Variants in SMPD4 observed in about 807,000 individuals in gnomAD.
SMPD4 encodes neutral sphingomyelinase 3.
A neutral mutation model predicts 97.8 loss-of-function variants in SMPD4; 58 were observed. That is an observed-to-expected ratio of 0.59 (90% CI 0.48 to 0.74). SMPD4 has a LOEUF of 0.74. SMPD4 is among the 30% of genes least tolerant of loss of function. The pLI is 0.00. For missense variants in SMPD4, 853 were observed against 1,080.5 expected, an observed-to-expected ratio of 0.79 and a Z score of 2.95; for synonymous variants, 388 against 450.0, an observed-to-expected ratio of 0.86 and a Z score of 1.74.
At position 130,164,423 on chromosome 2, in the gene SMPD4, T is replaced by G; in HGVS notation, c.815A>C (p.His272Pro). Residue 272 changes from histidine (H) to proline (P), a missense_variant, in exon 10 of 20, where the codon CAT (histidine) becomes CCT (proline). Physicochemically the swap from His to Pro is moderately conservative, Grantham distance 77 (BLOSUM62 -2). Around this residue, in one of 3 missense-constraint regions of SMPD4, gnomAD observed 313 missense variants for 402.2 expected, o/e 0.78. Coordinates refer to ENST00000680298, the MANE Select transcript of SMPD4 (RefSeq NM_017951.5). ...LLQVFVEMWL[H>P]HYSLEMYQKM... ...TTGATACATCTCCAAGGAATAGTGA[T>G]GAAGCCACATTTCAACAAAAACCTG... is the stretch of plus-strand genomic sequence containing the variant. 6.2e-7 allele frequency: 1 copy of G among 1,614,160 alleles called. No homozygotes were observed. Among genetic ancestry groups the G allele is most frequent in the Non-Finnish European group, 8.5e-7 (1 of 1,180,004 alleles).
intron 11 of SMPD4, chr2:130,159,567 G>A (rs1290768050): frequency 2.0e-5 from 3 of 151,870 alleles, no homozygotes; most frequent in South Asian, 2.1e-4. Context: ...CAATCTGGGA[G>A]GTGGAGATTG....
intron 8 of SMPD4, among the ~76,000 whole-genome samples, chr2:130,168,509 C>T (rs932568516): frequency 1.2e-4 from 17 of 143,350 alleles, no homozygotes; most frequent in Admixed American, 4.3e-4. Flanking sequence ...TACATCTTCC[C>T]GGTAAATTCT....
intron 10 of SMPD4, among the ~76,000 whole-genome samples, chr2:130,163,150 G>A (rs918630899): frequency 4.6e-5 from 7 of 152,250 alleles, no homozygotes; most frequent in African/African-American, 1.2e-4. Flanking sequence ...GCCACGCCAC[G>A]CCACGCCACA....
chr2:130,153,535 A>G, intron 17 of SMPD4, 85 bp from the exon 18 acceptor site: 2 of 1,590,326 alleles, frequency 1.3e-6, no homozygotes, highest in Admixed American at 3.4e-5. Context: ...AACAGTGGCA[A>G]CAAGGGGACC....
chr2:130,177,029 T>C (rs1689037459), intron 1 of SMPD4, among the ~76,000 whole-genome samples: 1 of 152,202 alleles, frequency 6.6e-6, no homozygotes, highest in Admixed American at 6.5e-5. Flanking sequence ...CCCAGGAGAA[T>C]ATCACACATT....
rs572209976 is a variant in SMPD4 at position 130,151,801 on chromosome 2, G to A, written c.*754C>T. ...TGCAGAGCAGAAACTGGCAGAATCC[G>A]ACCCCATCGACCCAGCAGTGTCCCC... On this transcript the variant is annotated 3_prime_UTR_variant, in exon 20 of 20. Transcript: ENST00000680298. 2.0e-4 allele frequency: 30 copies of A among 151,242 alleles called. 1 individual carries two copies. Among genetic ancestry groups the A allele is most frequent in the Admixed American group, 1.9e-3 (28 of 15,114 alleles). 9.4% of individuals were successfully genotyped at this position (151,242 alleles called of 1,614,324 possible). A position where few individuals can be genotyped will look rare whatever the true frequency, so the allele number is the denominator to read the frequency against.
Position 130,153,307 on chromosome 2 carries a change from C to A in SMPD4, c.2025+12G>T, listed in dbSNP as rs201205980. The A allele has an allele frequency of 1.2e-6, 2 of 1,613,550 alleles. No homozygotes were observed. The highest frequency in any genetic ancestry group is 4.5e-5 in the East Asian group (2 of 44,878). On this transcript the variant is annotated intron_variant, in intron 18 of 19. Coordinates refer to ENST00000680298, the MANE Select transcript of SMPD4 (RefSeq NM_017951.5). ...GCCCAGCCTGTGCGCCTCTGAGACA[C>A]GGGCCTCTCACCTGGTACCGCCCCA...
At chr2:130,160,567 C>T (rs971130570) in intron 11 of SMPD4, among the ~76,000 whole-genome samples, 3 of 152,228 alleles carry the variant, frequency 2.0e-5, no homozygotes, top group African/African-American at 4.8e-5. Flanking sequence ...TCTAATCTGC[C>T]TCTGGAGGTG....
intron 8 of SMPD4, among the ~76,000 whole-genome samples, chr2:130,171,997 G>A (rs1173281437): frequency 6.6e-6 from 1 of 152,226 alleles, no homozygotes; most frequent in Non-Finnish European, 1.5e-5. Context: ...GGCCCATAGA[G>A]ATTCCTATTT....
chr2:130,153,252 A>T (rs1419709303), intron 18 of SMPD4, 67 bp downstream of exon 18: 5 of 1,612,402 alleles, frequency 3.1e-6, no homozygotes, highest in Non-Finnish European at 4.2e-6. Context: ...CTCTGCTCAC[A>T]AGGGAGGAGG....
intron 1 of SMPD4, among the ~76,000 whole-genome samples, chr2:130,180,859 GT>G (rs1689515322): frequency 6.6e-6 from 1 of 152,098 alleles, no homozygotes; most frequent in Non-Finnish European, 1.5e-5. Flanking sequence ...CCACACCCCT[GT>G]TATCTGACTC....
At chr2:130,179,245 C>T (rs535598098) in intron 1 of SMPD4, among the ~76,000 whole-genome samples, 2 of 152,154 alleles carry the variant, frequency 1.3e-5, no homozygotes, top group East Asian at 3.9e-4. Context: ...CTCAGCCTCC[C>T]GAGTAGCTGG....
chr2:130,162,463 T>C (rs1334118730), intron 10 of SMPD4, among the ~76,000 whole-genome samples: 2 of 152,106 alleles, frequency 1.3e-5, no homozygotes, highest in Non-Finnish European at 2.9e-5. Context: ...CTCCACAGCC[T>C]TCCTCTGTGC....
In SMPD4 at chr2:130,157,260, T is replaced by A. The variant is rs768740780; in HGVS notation, c.1088A>T (p.Glu363Val). ...CGCAAGGGCCACCCACCGTTTGAAC[T>A]CCTCCAGGGGGCTGGTGGCGTGGGA... ...AHSHATSPLEEFKRAAVPRFV... is the reference protein window; with the variant it reads ...AHSHATSPLEVFKRAAVPRFV... Residue 363 changes from glutamate to valine, a missense_variant, in exon 12 of 20, where the codon GAG (glutamate) becomes GTG (valine). Glu to Val is a moderately radical substitution (Grantham distance 121). This residue lies in a region of SMPD4 where 29 missense variants were observed against 70.2 expected (regional missense o/e 0.41). Transcript: ENST00000680298. 22 of 1,543,532 alleles carry A rather than the reference T, an allele frequency of 1.4e-5. No homozygotes were observed. The highest frequency in any genetic ancestry group is 1.8e-5 in the Non-Finnish European group (21 of 1,142,804).
intron 15 of SMPD4, 89 bp from the exon 16 acceptor site, chr2:130,154,571 G>T: frequency 1.3e-6 from 2 of 1,535,108 alleles, no homozygotes; most frequent in Non-Finnish European, 8.8e-7. Context: ...TCTCTGAGGT[G>T]TCTGGGGAGC....
At chr2:130,177,283 T>C (rs775453171) in intron 1 of SMPD4, among the ~76,000 whole-genome samples, 1 of 152,186 alleles carries the variant, frequency 6.6e-6, no homozygotes, top group Non-Finnish European at 1.5e-5. Flanking sequence ...GGTTTCATCA[T>C]GTTGCTTAGA....
chr2:130,153,172 C>A lies in SMPD4; in HGVS notation c.2026-1G>T. 10 of 1,613,776 alleles carry A rather than the reference C, an allele frequency of 6.2e-6. No homozygotes were observed. The highest frequency in any genetic ancestry group is 7.6e-6 in the Non-Finnish European group (9 of 1,179,988). On this transcript the variant is annotated splice_acceptor_variant, in intron 18 of 19. Transcript: ENST00000680298. LOFTEE classifies it high-confidence loss of function. ...CAAACCTTCGCAGCCCATTGATGATCTAGAAAGCCAGGCCATGGGGATGGG... is the reference window on the plus strand; with the variant it reads ...CAAACCTTCGCAGCCCATTGATGATATAGAAAGCCAGGCCATGGGGATGGG...
At chr2:130,176,776 C>G (rs1689016351) in intron 1 of SMPD4, 139 bp from the exon 2 acceptor site, 1 of 644,290 alleles carries the variant, frequency 1.6e-6, no homozygotes, top group Non-Finnish European at 2.7e-6. Context: ...CAACCTCAAA[C>G]TCCTGGGTTC....
At position 130,152,688 on chromosome 2, in the gene SMPD4, A is replaced by G. The variant is rs1686347241; in HGVS notation, c.2351T>C (p.Leu784Pro). Residue 784 changes from leucine (L) to proline (P), a missense_variant, in exon 20 of 20, where the codon CTG (leucine) becomes CCG (proline). Physicochemically the swap from Leu to Pro is moderately conservative, Grantham distance 98. Coordinates refer to ENST00000680298, the MANE Select transcript of SMPD4 (RefSeq NM_017951.5). ...LGSYRTLVSL[L>P]LAFFVASLFC... is the part of the protein sequence containing the mutation. ...CAGAGAGGCCACGAAGAAGGCCAGC[A>G]GCAGCGAGACCAGCGTCCGGTAACT... 1.9e-6 allele frequency: 3 copies of G among 1,572,986 alleles called. No individual in the cohort carries two copies. Among genetic ancestry groups the G allele is most frequent in the Non-Finnish European group, 2.6e-6 (3 of 1,160,448 alleles).
Sources: gnomAD v4.1 joint callset for allele counts (sites outside exome capture counted in the v4.1 genomes callset) on GRCh38, gnomAD v4.1.1 for gene constraint, gnomAD v4.1.1 regional missense constraint, MANE v1.5 for transcripts, NCBI Gene and HGNC (gene_info 2026-07-23, HGNC 2026-07-21) for gene names.